Variants in NRXN1 observed in about 807,000 individuals in gnomAD.
NRXN1 encodes the protein neurexin 1, also known as neurexin-1.
In NRXN1, 39 loss-of-function variants were observed where a neutral mutation model predicts 150.9. The observed-to-expected ratio is 0.26, with a 90% CI of 0.20 to 0.34. The LOEUF (loss-of-function observed/expected upper bound fraction) is 0.34. Ranked by LOEUF, NRXN1 falls within the 10% of genes least tolerant of loss-of-function variation. NRXN1 has a pLI of 1.00. For missense variants in NRXN1, 1,815 were observed against 1,949.9 expected, an observed-to-expected ratio of 0.93 and a Z score of 1.30; for synonymous variants, 924 against 757.0, an observed-to-expected ratio of 1.22 and a Z score of -3.62.
intron 5 of NRXN1, among the ~76,000 whole-genome samples, chr2:50,636,923 A>G (rs1683313705): frequency 6.6e-6 from 1 of 152,214 alleles, no homozygotes; most frequent in South Asian, 2.1e-4. Flanking sequence ...AGCTAATATT[A>G]TATACTATAA....
intron 18 of NRXN1, among the ~76,000 whole-genome samples, chr2:50,141,232 G>A (rs910348762): frequency 3.9e-5 from 6 of 152,022 alleles, no homozygotes; most frequent in African/African-American, 1.4e-4. Context: ...ATTGGGCCAT[G>A]TGCTGGGAAA....
intron 2 of NRXN1, among the ~76,000 whole-genome samples, chr2:50,978,025 A>G (rs1696133593): frequency 6.6e-6 from 1 of 151,278 alleles, no homozygotes; most frequent in African/African-American, 2.4e-5. Context: ...TTACCAGGCT[A>G]TTTTCTCACC....
rs112591427 is a variant in NRXN1 at position 50,721,304 on chromosome 2, A to G, written c.833-97689T>C. Among the ~76,000 whole-genome samples, 341 of 152,278 alleles carry G rather than the reference A, an allele frequency of 2.2e-3. 6 individuals carry two copies. The highest frequency in any genetic ancestry group is 7.9e-3 in the African/African-American group (327 of 41,558). On this transcript the variant is annotated intron_variant, in intron 5 of 22. Coordinates refer to ENST00000401669, the MANE Select transcript of NRXN1 (RefSeq NM_001330078.2). ...GTTGGATAATCTACAACACTCTTTC[A>G]TATGTCTGTCCTGTTATAAAATCAG... is the stretch of plus-strand genomic sequence containing the variant.
chr2:50,703,070 G>T (rs1377903639), intron 5 of NRXN1, among the ~76,000 whole-genome samples: 1 of 152,052 alleles, frequency 6.6e-6, no homozygotes, highest in African/African-American at 2.4e-5. Context: ...CAAATGTTTT[G>T]CTCAAGCACT....
At chr2:50,972,961 T>C (rs1410109079) in intron 2 of NRXN1, among the ~76,000 whole-genome samples, 1 of 152,242 alleles carries the variant, frequency 6.6e-6, no homozygotes, top group African/African-American at 2.4e-5. Flanking sequence ...ACAAAGTTTG[T>C]AAATTAACTC....
chr2:49,925,080 A>T (rs1668860603), intron 22 of NRXN1, among the ~76,000 whole-genome samples: 1 of 152,068 alleles, frequency 6.6e-6, no homozygotes, highest in Non-Finnish European at 1.5e-5. Flanking sequence ...TCACGAGGTC[A>T]AGAGATGCAG....
intron 8 of NRXN1, among the ~76,000 whole-genome samples, chr2:50,565,636 AC>A (rs1371094690): frequency 1.3e-5 from 2 of 152,220 alleles, no homozygotes; most frequent in African/African-American, 4.8e-5. Context: ...ATGAGAAAAA[AC>A]AATGGAAAAT....
intron 2 of NRXN1, among the ~76,000 whole-genome samples, chr2:50,939,101 C>A (rs967396467): frequency 4.0e-5 from 6 of 150,312 alleles, no homozygotes; most frequent in Non-Finnish European, 4.4e-5. Context: ...GTCCCAGCTA[C>A]CTGGGAGGCT....
intron 21 of NRXN1, among the ~76,000 whole-genome samples, chr2:49,947,730 T>A (rs1272930602): frequency 1.3e-5 from 2 of 151,862 alleles, no homozygotes; most frequent in Non-Finnish European, 2.9e-5. Flanking sequence ...ATGTTAATAA[T>A]GCCAAAGTTG....
intron 5 of NRXN1, among the ~76,000 whole-genome samples, chr2:50,853,269 G>C (rs1390083299): frequency 6.6e-6 from 1 of 152,080 alleles, no homozygotes; most frequent in African/African-American, 2.4e-5. Flanking sequence ...TAGGATACCA[G>C]TGAGGATTTT....
chr2:51,018,491 G>C (rs1333126803), intron 2 of NRXN1, among the ~76,000 whole-genome samples: 1 of 151,934 alleles, frequency 6.6e-6, no homozygotes, highest in African/African-American at 2.4e-5. Flanking sequence ...AATAGTACAG[G>C]GCATTCATCT....
intron 5 of NRXN1, chr2:50,829,551 G>A (rs2105878847): frequency 6.2e-7 from 1 of 1,611,618 alleles, no homozygotes; most frequent in African/African-American, 1.3e-5. Flanking sequence ...GATCTTAGGA[G>A]GGGTTTTCTT....
intron 2 of NRXN1, chr2:50,979,409 T>C (rs889929784): frequency 1.7e-5 from 7 of 403,968 alleles, no homozygotes; most frequent in Admixed American, 8.6e-5. Flanking sequence ...CATCTTGGGA[T>C]ACTAGCCAGT....
At position 50,905,790 on chromosome 2, in the gene NRXN1, C is replaced by T. The variant is rs114833537; in HGVS notation, c.832+16079G>A. Among the ~76,000 whole-genome samples, 684 of 152,054 alleles carry T rather than the reference C, an allele frequency of 4.5e-3. 4 individuals are homozygous for T. Among genetic ancestry groups the T allele is most frequent in the African/African-American group, 0.016 (662 of 41,488 alleles). On this transcript the variant is annotated intron_variant, in intron 5 of 22. Coordinates refer to ENST00000401669, the MANE Select transcript of NRXN1 (RefSeq NM_001330078.2). ...TAAACATGACATATGTATTTATGTT[C>T]CACAAAGGGCTTTGAATAGAATTTA...
intron 5 of NRXN1, among the ~76,000 whole-genome samples, chr2:50,635,757 G>A (rs1419695352): frequency 1.3e-5 from 2 of 152,176 alleles, no homozygotes; most frequent in African/African-American, 4.8e-5. Context: ...CACTGCTTAG[G>A]TAGATAAGGG....
chr2:50,181,841 A>AATTTTGGAATTGAT (rs2152811687), intron 18 of NRXN1, among the ~76,000 whole-genome samples: 1 of 152,240 alleles, frequency 6.6e-6, no homozygotes, highest in East Asian at 1.9e-4. Context: ...TCAGATTATC[A>AATTTTGGAATTGAT]TGGAAAACGA....
chr2:50,706,073 A>G (rs1178998421), intron 5 of NRXN1, among the ~76,000 whole-genome samples: 1 of 152,164 alleles, frequency 6.6e-6, no homozygotes, highest in Non-Finnish European at 1.5e-5. Flanking sequence ...TCCAAGTGCT[A>G]AACTTCATTC....
intron 17 of NRXN1, among the ~76,000 whole-genome samples, chr2:50,355,257 A>T (rs910197512): frequency 1.4e-5 from 2 of 139,196 alleles, no homozygotes; most frequent in Non-Finnish European, 3.0e-5. Context: ...ATATATATAC[A>T]TATATATACA....
intron 17 of NRXN1, among the ~76,000 whole-genome samples, chr2:50,387,696 A>G (rs1198002584): frequency 2.0e-5 from 3 of 152,176 alleles, no homozygotes; most frequent in Non-Finnish European, 2.9e-5. Flanking sequence ...GCATGGTCCT[A>G]TGAAGCTTCT....
Sources: allele counts gnomAD v4.1 joint callset (sites outside exome capture counted in the v4.1 genomes callset), GRCh38; gene constraint gnomAD v4.1.1; transcripts MANE v1.5; gene names NCBI Gene and HGNC (gene_info 2026-07-23, HGNC 2026-07-21).